Variants in SLC26A5 observed in about 807,000 individuals in gnomAD.
SLC26A5 encodes prestin.
Under a neutral mutation model 81.0 loss-of-function variants are expected in SLC26A5, and 51 were observed. The ratio of observed to expected loss-of-function variants is 0.63; its 90% confidence interval spans 0.50 to 0.80. The LOEUF is 0.80. SLC26A5 is among the 30% of genes least tolerant of loss of function. The pLI is 0.00. For missense variants in SLC26A5, 771 were observed against 905.8 expected (o/e 0.85, Z 1.91); for synonymous variants, 325 against 332.8 (o/e 0.98, Z 0.25).
At chr7:103,403,948 T>C (rs1357035445) in intron 8 of SLC26A5, among the ~76,000 whole-genome samples, 1 of 151,870 alleles carries the variant, frequency 6.6e-6, no homozygotes, top group Non-Finnish European at 1.5e-5. Context: ...TTTGGGAGGC[T>C]AAGGCAGGCA....
intron 9 of SLC26A5, among the ~76,000 whole-genome samples, chr7:103,393,786 G>A (rs1269306702): frequency 6.6e-6 from 1 of 151,930 alleles, no homozygotes; most frequent in Non-Finnish European, 1.5e-5. Context: ...AACAGAATAG[G>A]GATTCCCTAG....
chr7:103,390,723 G>A lies in SLC26A5; in HGVS notation c.1234-217C>T, dbSNP rs529920903. 1.1e-4 allele frequency among the ~76,000 whole-genome samples: 17 copies of A among 152,204 alleles called. No individual in the cohort carries two copies. In the East Asian group the frequency reaches 1.2e-3, roughly 10 times the overall value. ...GCTTTTAAATGGAAGCTGAAATGTT[G>A]TAATATCCTAATTAAAATGCCCTTT... On this transcript the variant is annotated intron_variant, in intron 11 of 19. Transcript: ENST00000306312.
At chr7:103,391,794 A>C in intron 10 of SLC26A5, 59 bp from the exon 11 acceptor site, 1 of 1,278,128 alleles carries the variant, frequency 7.8e-7, no homozygotes, top group Non-Finnish European at 1.1e-6. Flanking sequence ...AAAAAAAAGC[A>C]TAATAGCCCA....
Position 103,374,511 on chromosome 7 carries a change from T to A in SLC26A5, c.2123A>T (p.Asp708Val). The change falls in exon 20 of 20, where the codon GAT becomes GTT. Residue 708 changes from aspartate (D) to valine (V), a missense_variant. Asp to Val is a radical substitution (Grantham distance 152, BLOSUM62 -3). Transcript: ENST00000306312. The part of the protein sequence containing the change: ...LWELLFHSIH[D>V]AVLGSQLREA... ...TCTAAGTTGGCTGCCTAAAACTGCA[T>A]CATGAATGCTGTGGAACAGCAGCTC... is the stretch of plus-strand genomic sequence containing the variant. 1 of 1,613,990 alleles carries A rather than the reference T, an allele frequency of 6.2e-7. No individual in the cohort carries two copies. The highest frequency in any genetic ancestry group is 8.5e-7 in the Non-Finnish European group (1 of 1,180,014).
chr7:103,369,121 ATGC>A (rs1316425946), intron 19 of SLC26A5: 1 of 152,212 alleles, frequency 6.6e-6, no homozygotes, highest in African/African-American at 2.4e-5. Context: ...AACATAGAAA[ATGC>A]TGCTTTGCAC....
intron 7 of SLC26A5, among the ~76,000 whole-genome samples, chr7:103,409,031 C>T (rs955041494): frequency 3.3e-5 from 5 of 152,200 alleles, no homozygotes; most frequent in African/African-American, 9.7e-5. Flanking sequence ...TTCCTAAAGC[C>T]TGATTCCATT....
In SLC26A5 at chr7:103,388,824, A is replaced by C. The variant is rs1822412705; in HGVS notation, c.1514+184T>G. 1.9e-5 allele frequency: 11 copies of C among 580,884 alleles called. No individual in the cohort carries two copies. In the East Asian group the frequency reaches 3.8e-4, roughly 20 times the overall value. The allele number at this position is 580,884 out of a possible 1,614,324, so 36.0% of individuals were successfully genotyped here. The stretch of plus-strand genomic sequence containing the variant: ...AAGAGCATTTGGCAAAATTATATGG[A>C]ATTTTTAAATTGGCATTTTGTTCAT... On this transcript the variant is annotated intron_variant, in intron 14 of 19. Transcript: ENST00000306312.
intron 4 of SLC26A5, among the ~76,000 whole-genome samples, chr7:103,418,364 T>A (rs1825083538): frequency 6.6e-6 from 1 of 152,218 alleles, no homozygotes; most frequent in Non-Finnish European, 1.5e-5. Flanking sequence ...CTAGGCAGAA[T>A]CCTGAGGAGT....
chr7:103,377,512 A>C, intron 18 of SLC26A5, 87 bp downstream of exon 18: 1 of 1,257,056 alleles, frequency 8.0e-7, no homozygotes, highest in Non-Finnish European at 1.2e-6. Flanking sequence ...TTTGTTGAAA[A>C]GAGAGCCTAG....
At chr7:103,429,031 T>G (rs936141290) in intron 2 of SLC26A5, among the ~76,000 whole-genome samples, 7 of 152,240 alleles carry the variant, frequency 4.6e-5, no homozygotes, top group Non-Finnish European at 7.3e-5. Context: ...ATTACTATTC[T>G]CTGCTTCTAT....
chr7:103,399,445 T>C (rs190134639), intron 8 of SLC26A5, among the ~76,000 whole-genome samples: 14 of 152,170 alleles, frequency 9.2e-5, no homozygotes, highest in Admixed American at 7.8e-4. Flanking sequence ...TAATGCCATG[T>C]AGACAAGACT....
intron 8 of SLC26A5, among the ~76,000 whole-genome samples, chr7:103,404,359 G>C (rs1229053963): frequency 1.3e-5 from 2 of 152,152 alleles, no homozygotes; most frequent in Non-Finnish European, 2.9e-5. Context: ...TTTCTCAGGA[G>C]CTCTTGTAAG....
chr7:103,353,636 A>G (rs1021600056), intron 19 of SLC26A5, among the ~76,000 whole-genome samples: 2 of 152,220 alleles, frequency 1.3e-5, no homozygotes, highest in African/African-American at 2.4e-5. Flanking sequence ...TGACTATGGT[A>G]TAATTTAACC....
rs1586355860 is a variant in SLC26A5 at position 103,421,910 on chromosome 7, CAG to C, written c.-53-345_-53-344del. ...TTTGACCAGCTATATGTCAAGGAAA[CAG>C]AAAAAAAGAGTACGATCAGTCCTTA... On this transcript the variant is annotated intron_variant, in intron 2 of 19. Transcript: ENST00000306312. Among the ~76,000 whole-genome samples the C allele has an allele frequency of 3.3e-5, 5 of 152,190 alleles. No individual in the cohort carries two copies. In the East Asian group the frequency reaches 9.7e-4, roughly 29 times the overall value.
intron 8 of SLC26A5, among the ~76,000 whole-genome samples, chr7:103,402,800 T>TAAGAA (rs1823717767): frequency 6.6e-6 from 1 of 152,206 alleles, no homozygotes; most frequent in Non-Finnish European, 1.5e-5. Flanking sequence ...GTCTATCTAT[T>TAAGAA]TTGTTAATCT....
chr7:103,360,035 C>T (rs945289776), intron 19 of SLC26A5, among the ~76,000 whole-genome samples: 5 of 151,378 alleles, frequency 3.3e-5, no homozygotes, highest in South Asian at 2.1e-4. Context: ...GAGTCAAGAT[C>T]GCGCCACTGC....
intron 2 of SLC26A5, among the ~76,000 whole-genome samples, chr7:103,440,656 TATAAA>T (rs1826807546): frequency 6.6e-6 from 1 of 152,174 alleles, no homozygotes; most frequent in Non-Finnish European, 1.5e-5. Flanking sequence ...GCAATAAACA[TATAAA>T]ATGACTCCAA....
At chr7:103,384,230 G>A (rs373230814) in intron 14 of SLC26A5, among the ~76,000 whole-genome samples, 12 of 152,124 alleles carry the variant, frequency 7.9e-5, no homozygotes, top group African/African-American at 2.9e-4. Context: ...CAATCCTCCT[G>A]CCTTGGCCTC....
chr7:103,440,668 C>G (rs1028137455), intron 2 of SLC26A5, among the ~76,000 whole-genome samples: 10 of 152,140 alleles, frequency 6.6e-5, no homozygotes, highest in African/African-American at 2.4e-4. Flanking sequence ...TAAAATGACT[C>G]CAATCCTAGA....
Sources: allele counts gnomAD v4.1 joint callset (sites outside exome capture counted in the v4.1 genomes callset), GRCh38; gene constraint gnomAD v4.1.1; transcripts MANE v1.5; gene names NCBI Gene and HGNC (gene_info 2026-07-23, HGNC 2026-07-21).